The following FUBP3 variants were observed in gnomAD, a reference collection of about 807,000 sequenced individuals.
FUBP3 encodes far upstream element binding protein 3.
In FUBP3, 28 loss-of-function variants were observed where a neutral mutation model predicts 85.6. The ratio of observed to expected loss-of-function variants is 0.33; its 90% confidence interval spans 0.24 to 0.45. The LOEUF is 0.45. Among genes scored for constraint, FUBP3 ranks in the 20% least tolerant of loss-of-function variants. The pLI, the probability that FUBP3 is intolerant of heterozygous loss-of-function variation, is 1.00. For missense variants in FUBP3, 583 were observed against 755.1 expected, an observed-to-expected ratio of 0.77 and a Z score of 2.67; for synonymous variants, 271 against 271.4, an observed-to-expected ratio of 1.00 and a Z score of 0.01.
chr9:130,579,836 G>A, intron 1 of FUBP3, 72 bp downstream of exon 1: 2 of 933,084 alleles, frequency 2.1e-6, no homozygotes, highest in Non-Finnish European at 2.8e-6. Context: ...AGAGGGGTTC[G>A]GGCCTGGGGG....
rs1830450075 is a variant in FUBP3 at position 130,637,168 on chromosome 9, T to C, written c.*146T>C. On this transcript the variant is annotated 3_prime_UTR_variant, in exon 19 of 19. Transcript: ENST00000319725. ...ACTATATTTAGATTAACGGAATTTTTCTAAAAATCAGGAAAATTAGTTACT... is the reference window on the plus strand; with the variant it reads ...ACTATATTTAGATTAACGGAATTTTCCTAAAAATCAGGAAAATTAGTTACT... The C allele has an allele frequency of 1.2e-5, 8 of 681,910 alleles. No individual in the cohort carries two copies. The highest frequency in any genetic ancestry group is 2.0e-5 in the Non-Finnish European group (8 of 392,266). The allele number at this position is 681,910 out of a possible 1,614,324, so 42.2% of individuals were successfully genotyped here.
At chr9:130,633,588 T>A (rs1482318172) in intron 16 of FUBP3, among the ~76,000 whole-genome samples, 2 of 152,194 alleles carry the variant, frequency 1.3e-5, no homozygotes, top group Non-Finnish European at 2.9e-5. Flanking sequence ...TCATCTCATG[T>A]TGTGGAGCTT....
At chr9:130,626,043 C>G (rs57940174) in intron 11 of FUBP3, among the ~76,000 whole-genome samples, 5,328 of 152,170 alleles carry the variant, frequency 0.035, 322 homozygotes, top group African/African-American at 0.12. Context: ...GCCTGTAGAT[C>G]GGGGCCCAGT....
chr9:130,623,715 G>T lies in FUBP3; in HGVS notation c.975+4G>T. On this transcript the variant is annotated splice_donor_region_variant and intron_variant, in intron 11 of 18. Transcript: ENST00000319725. ...CGAGCTGATTCTTACAGCCCAGGTG[G>T]GTCCAGCTCTGCAGAGTGTGAGTGT... 1.3e-6 allele frequency: 2 copies of T among 1,598,656 alleles called. No individual in the cohort carries two copies. Among genetic ancestry groups the T allele is most frequent in the Non-Finnish European group, 1.7e-6 (2 of 1,166,430 alleles).
At chr9:130,595,015 T>C (rs1443607946) in intron 1 of FUBP3, among the ~76,000 whole-genome samples, 1 of 151,624 alleles carries the variant, frequency 6.6e-6, no homozygotes, top group Non-Finnish European at 1.5e-5. Flanking sequence ...TCACCCGAGG[T>C]TGGGCGTTCG....
rs113638192 is a variant in FUBP3 at position 130,601,801 on chromosome 9, A to ATTTTTTTTTTT, written c.190+6221_190+6231dup. ...ATGGAAATTTTAGAAATAATTCCTA[A>ATTTTTTTTTTT]TTTTTTTTTTTTTTTTTTGAGATGG... On this transcript the variant is annotated intron_variant, in intron 2 of 18. Transcript: ENST00000319725. Among the ~76,000 whole-genome samples, 18 of 117,366 alleles carry ATTTTTTTTTTT rather than the reference A, an allele frequency of 1.5e-4. 1 individual carries two copies. Among genetic ancestry groups the ATTTTTTTTTTT allele is most frequent in the Admixed American group, 2.0e-4 (2 of 9,844 alleles). 77.0% of individuals were successfully genotyped at this position (117,366 alleles called of 152,430 possible).
In FUBP3 at chr9:130,630,771, A is replaced by G. The variant is rs1387165264; in HGVS notation, c.1261A>G (p.Ile421Val). The G allele has an allele frequency of 1.3e-6, 2 of 1,513,104 alleles. No individual in the cohort carries two copies. The highest frequency in any genetic ancestry group is 1.8e-6 in the Non-Finnish European group (2 of 1,132,796). The allele number at this position is 1,513,104 out of a possible 1,614,324, so 93.7% of individuals were successfully genotyped here. A position where few individuals can be genotyped will look rare whatever the true frequency, so the allele number is the denominator to read the frequency against. ...GCAGATCGAGGTGGCCAGGCAGCTC[A>G]TAGATGAGAAAGTTGGCGTACGTAC... is the stretch of plus-strand genomic sequence containing the variant. ...PQQIEVARQL[I>V]DEKVGGTNLG... Residue 421 changes from isoleucine (I) to valine (V), a missense_variant, in exon 13 of 19, where the codon ATA (isoleucine) becomes GTA (valine). This residue lies in a region of FUBP3 where 404 missense variants were observed against 516.8 expected (regional missense o/e 0.78). Transcript: ENST00000319725.
At chr9:130,594,364 C>T (rs904002631) in intron 1 of FUBP3, among the ~76,000 whole-genome samples, 2 of 152,030 alleles carry the variant, frequency 1.3e-5, no homozygotes, top group Admixed American at 6.6e-5. Flanking sequence ...AGGCAGATCA[C>T]CTGAGGTCAG....
intron 8 of FUBP3, among the ~76,000 whole-genome samples, chr9:130,618,228 T>G (rs1283875288): frequency 6.6e-6 from 1 of 152,252 alleles, no homozygotes; most frequent in African/African-American, 2.4e-5. Flanking sequence ...GAGCTCTTGC[T>G]GGTGGCACGG....
chr9:130,621,529 T>G (rs1829746500), intron 9 of FUBP3, among the ~76,000 whole-genome samples: 1 of 152,250 alleles, frequency 6.6e-6, no homozygotes, highest in African/African-American at 2.4e-5. Context: ...GCAAAATTAC[T>G]ATTTTTCATC....
chr9:130,598,554 T>C (rs1830980110), intron 2 of FUBP3, among the ~76,000 whole-genome samples: 1 of 152,222 alleles, frequency 6.6e-6, no homozygotes, highest in Non-Finnish European at 1.5e-5. Flanking sequence ...GGTAAAGAGG[T>C]TACTTTGCAT....
intron 1 of FUBP3, among the ~76,000 whole-genome samples, chr9:130,594,537 C>T (rs548132106): frequency 2.0e-5 from 3 of 151,972 alleles, no homozygotes; most frequent in African/African-American, 7.2e-5. Context: ...GAGCTGAGAT[C>T]GTGCCATTGC....
intron 1 of FUBP3, among the ~76,000 whole-genome samples, chr9:130,587,076 GT>G (rs1408224335): frequency 5.6e-5 from 8 of 141,852 alleles, no homozygotes; most frequent in Non-Finnish European, 7.6e-5. Context: ...TTGTTTGTTT[GT>G]TTTTTTGAGA....
intron 14 of FUBP3, 75 bp downstream of exon 14, chr9:130,631,705 T>A: frequency 1.6e-6 from 2 of 1,238,430 alleles, no homozygotes; most frequent in South Asian, 2.5e-5. Context: ...TCCAGCTACT[T>A]CTAGCGAGTG....
intron 1 of FUBP3, among the ~76,000 whole-genome samples, chr9:130,588,751 T>C (rs1331408762): frequency 6.6e-6 from 1 of 152,202 alleles, no homozygotes; most frequent in Non-Finnish European, 1.5e-5. Flanking sequence ...CTGTCTTCTT[T>C]GTAACATTAG....
intron 3 of FUBP3, among the ~76,000 whole-genome samples, chr9:130,610,528 C>G (rs1831687367): frequency 6.6e-6 from 1 of 152,202 alleles, no homozygotes; most frequent in African/African-American, 2.4e-5. Flanking sequence ...CCCTCATAGC[C>G]TTCTGTCAAA....
rs1473551396 is a variant in FUBP3 at position 130,616,203 on chromosome 9, A to T, written c.405-152A>T. 1.2e-5 allele frequency: 8 copies of T among 664,366 alleles called. No individual in the cohort carries two copies. The highest frequency in any genetic ancestry group is 2.1e-5 in the Non-Finnish European group (8 of 382,824). 41.2% of individuals were successfully genotyped at this position (664,366 alleles called of 1,614,324 possible). On this transcript the variant is annotated intron_variant, in intron 6 of 18. Transcript: ENST00000319725. This position sits in a 1 kb window ranked among gnomAD's most constrained non-coding sequence, Gnocchi z 4.7. ...AGCCCGGTAGCGTGGCGGATGGCAG[A>T]GAGACCTCCGGGTTGTGGGGGCAGG...
At chr9:130,601,134 C>A (rs1235619373) in intron 2 of FUBP3, among the ~76,000 whole-genome samples, 2 of 152,222 alleles carry the variant, frequency 1.3e-5, no homozygotes, top group African/African-American at 4.8e-5. Flanking sequence ...CTTAATTTGC[C>A]AGCCCTCAAC....
At chr9:130,625,661 G>A (rs990752224) in intron 11 of FUBP3, among the ~76,000 whole-genome samples, 9 of 152,202 alleles carry the variant, frequency 5.9e-5, no homozygotes, top group African/African-American at 2.2e-4. Context: ...TCCTCTGTCC[G>A]CTGTTAGATT....
Sources: allele counts gnomAD v4.1 joint callset (sites outside exome capture counted in the v4.1 genomes callset), GRCh38; gene constraint gnomAD v4.1.1; regional missense constraint gnomAD v4.1.1; non-coding constraint Gnocchi (gnomAD v3.1); transcripts MANE v1.5; gene names NCBI Gene and HGNC (gene_info 2026-07-23, HGNC 2026-07-21).